DST: variants seen among roughly 807,000 people sequenced by gnomAD.
DST encodes the protein bullous pemphigoid antigen.
Under a neutral mutation model 875.2 loss-of-function variants are expected in DST, and 253 were observed. The ratio of observed to expected loss-of-function variants is 0.29; its 90% CI spans 0.26 to 0.32. DST has a LOEUF of 0.32. DST is among the 10% of genes least tolerant of loss of function. DST has a pLI of 1.00. For synonymous variants in DST, 3,124 were observed against 3,197.1 expected (o/e 0.98, Z 0.77); for missense variants, 8,287 against 9,111.6 (o/e 0.91, Z 3.68).
chr6:56,669,373 A>C (rs1308370709), intron 10 of DST, among the ~76,000 whole-genome samples: 1 of 151,384 alleles, frequency 6.6e-6, no homozygotes, highest in African/African-American at 2.4e-5. Flanking sequence ...AGGTGAGGGG[A>C]TCACCTGAGG....
rs1397311025 is a variant in DST, at chr6:56,813,838, G to C, written c.625+37559C>G. Among the ~76,000 whole-genome samples the C allele has an allele frequency of 1.3e-5, 2 of 152,096 alleles. 1 individual carries two copies. The highest frequency in any genetic ancestry group is 4.1e-4 in the South Asian group (2 of 4,820). On this transcript the variant is annotated intron_variant, in intron 4 of 103. Transcript: ENST00000680361. ...GAAATTTTTCTAATCCATTATACTA[G>C]AGTTTCATTATGATGCTGTTCTTTG...
chr6:56,619,612 T>C lies in DST; in HGVS notation c.4929+4918A>G, dbSNP rs772559320. On this transcript the variant is annotated intron_variant, in intron 36 of 103. Coordinates refer to ENST00000680361, the MANE Select transcript of DST (RefSeq NM_001374736.1). The stretch of plus-strand genomic sequence containing the variant: ...GTTTCCCTTTTTCATGATTAAGAGA[T>C]TCTAATTCTAACTGATAATTGCGCT... The C allele has an allele frequency of 1.2e-6, 2 of 1,613,958 alleles. No homozygotes were observed. Among genetic ancestry groups the C allele is most frequent in the South Asian group, 1.1e-5 (1 of 91,068 alleles).
At chr6:56,566,577 A>G (rs771873188) in intron 55 of DST, among the ~76,000 whole-genome samples, 1 of 152,172 alleles carries the variant, frequency 6.6e-6, no homozygotes, top group Non-Finnish European at 1.5e-5. Flanking sequence ...TCAGTTGGAA[A>G]TGCAGAAATC....
intron 9 of DST, among the ~76,000 whole-genome samples, chr6:56,680,553 T>A (rs1021047273): frequency 6.6e-6 from 1 of 152,178 alleles, no homozygotes; most frequent in African/African-American, 2.4e-5. Flanking sequence ...CTAATCCTGA[T>A]CTCACTGAGG....
rs902363541 is a variant in DST at position 56,568,340 on chromosome 6, G to A, written c.14005+129C>T. 5.4e-5 allele frequency: 53 copies of A among 990,202 alleles called. No individual in the cohort carries two copies. The African/African-American group carries it at 8.5e-4, about 16-fold the overall frequency. The allele number at this position is 990,202 out of a possible 1,614,324, so 61.3% of individuals were successfully genotyped here. ...AGCACAGTGTGCTTACAGATGCCAT[G>A]TTTCTTGTCACTTTCACTTTGTATT... On this transcript the variant is annotated intron_variant, in intron 55 of 103. Transcript: ENST00000680361.
intron 3 of DST, chr6:56,871,885 G>GA (rs888774610): frequency 2.3e-4 from 52 of 224,804 alleles, no homozygotes; most frequent in South Asian, 4.2e-4. Flanking sequence ...TATTCAACTG[G>GA]AAAAAAAAAT....
At chr6:56,504,477 T>C (rs1185381222) in intron 77 of DST, among the ~76,000 whole-genome samples, 3 of 152,146 alleles carry the variant, frequency 2.0e-5, no homozygotes, top group African/African-American at 7.2e-5. Flanking sequence ...TATTTGTTCA[T>C]TCAAATAAGC....
chr6:56,741,039 T>G (rs575840488), intron 4 of DST, among the ~76,000 whole-genome samples: 1 of 152,166 alleles, frequency 6.6e-6, no homozygotes, highest in Non-Finnish European at 1.5e-5. Flanking sequence ...ACAAAATAGA[T>G]TTCTTCTTTT....
In DST at chr6:56,597,890, G is replaced by T. The variant is rs369653418; in HGVS notation, c.12045C>A (p.Ile4015=). 1 of 1,613,484 alleles carries T rather than the reference G, an allele frequency of 6.2e-7. No individual in the cohort carries two copies. Among genetic ancestry groups the T allele is most frequent in the Non-Finnish European group, 8.5e-7 (1 of 1,179,736 alleles). The change falls in exon 47 of 104, where the codon ATC becomes ATA. Residue 4015 remains isoleucine (I), a synonymous_variant. Transcript: ENST00000680361. The part of the protein sequence containing the change: ...ERAGTKHKQV[I]EQNGTHFQEG... ...CTTGAAAATGGGTCCCGTTCTGTTC[G>T]ATTACCTGTTTGTGTTTTGTCCCTG...
intron 4 of DST, among the ~76,000 whole-genome samples, chr6:56,769,293 C>T (rs1347093828): frequency 6.6e-6 from 1 of 152,140 alleles, no homozygotes; most frequent in Non-Finnish European, 1.5e-5. Context: ...ATTACAACAC[C>T]AGACGCTGGC....
chr6:56,607,580 T>G lies in DST; in HGVS notation c.7048A>C (p.Thr2350Pro). The change falls in exon 40 of 104, where the codon ACT (threonine) becomes CCT (proline). Residue 2350 changes from threonine to proline, a missense_variant. This residue lies in a region of DST where 3,138 missense variants were observed against 3,116.6 expected (regional missense o/e 1.01). Transcript: ENST00000680361. ...AGCATGCTAATGTCTGCAAGTTCAG[T>G]CTGTGTTAAATATGATATGAGACTG... The part of the protein sequence containing the change: ...VPSLISYLTQ[T>P]ELADISMLRS... The G allele has an allele frequency of 6.2e-7, 1 of 1,612,688 alleles. No individual in the cohort carries two copies. The highest frequency in any genetic ancestry group is 8.5e-7 in the Non-Finnish European group (1 of 1,179,330).
chr6:56,529,897 T>G, intron 65 of DST, 77 bp downstream of exon 65: 1 of 1,550,616 alleles, frequency 6.4e-7, no homozygotes, highest in Non-Finnish European at 8.7e-7. Context: ...AACAAAACAA[T>G]AGTACATAAC....
chr6:56,947,399 C>T (rs529228408), intron 2 of DST, among the ~76,000 whole-genome samples: 16 of 152,008 alleles, frequency 1.1e-4, no homozygotes, highest in East Asian at 7.7e-4. Flanking sequence ...TACAGGCGTG[C>T]GCCACCACAC....
chr6:56,573,774 G>A lies in DST; in HGVS notation c.13141C>T (p.Leu4381=). The part of the protein sequence containing the change: ...LSVQDGLDEM[L]DWMGNVESSL... The stretch of plus-strand genomic sequence containing the variant: ...CTTTCCACATTTCCCATCCAGTCCA[G>A]CATTTCATCCAAGCCATCCTGCACA... The change falls in exon 51 of 104, where the codon CTG becomes TTG. Residue 4381 remains leucine (L), a synonymous_variant. Coordinates refer to ENST00000680361, the MANE Select transcript of DST (RefSeq NM_001374736.1). The A allele has an allele frequency of 6.2e-7, 1 of 1,613,568 alleles. No homozygotes were observed.
chr6:56,473,258 C>T lies in DST; in HGVS notation c.21994+615G>A, dbSNP rs370508602. 1.3e-4 allele frequency among the ~76,000 whole-genome samples: 20 copies of T among 152,220 alleles called. No homozygotes were observed. The East Asian group carries it at 1.5e-3, about 12-fold the overall frequency. On this transcript the variant is annotated intron_variant, in intron 93 of 103. Transcript: ENST00000680361. ...GTGTAGTAAGTAATTACAATAGCTC[C>T]GACATCATTTCTTTTTAATTAAAAA... is the stretch of plus-strand genomic sequence containing the variant.
chr6:56,904,378 A>G (rs147543241), intron 2 of DST, among the ~76,000 whole-genome samples: 1,844 of 152,290 alleles, frequency 0.012, 34 homozygotes, highest in East Asian at 0.039. Context: ...GTCTTGGCTA[A>G]ATTACTTCTC....
At chr6:56,832,780 C>A (rs1465259467) in intron 4 of DST, among the ~76,000 whole-genome samples, 1 of 152,126 alleles carries the variant, frequency 6.6e-6, no homozygotes, top group Admixed American at 6.5e-5. Context: ...GCTCTTATCG[C>A]CCAGGCTGGA....
chr6:56,515,824 T>C (rs1400248648), intron 71 of DST, among the ~76,000 whole-genome samples, 156 bp from the exon 72 acceptor site: 2 of 152,072 alleles, frequency 1.3e-5, no homozygotes, highest in African/African-American at 4.8e-5. Flanking sequence ...ATTTTAATGG[T>C]TTATACGTAC....
At chr6:56,784,785 G>A (rs2099701666) in intron 4 of DST, among the ~76,000 whole-genome samples, 1 of 152,222 alleles carries the variant, frequency 6.6e-6, no homozygotes, top group South Asian at 2.1e-4. Context: ...CGTTCCTTTG[G>A]AGGAGGAGAG....
Sources: allele counts gnomAD v4.1 joint callset (sites outside exome capture counted in the v4.1 genomes callset), GRCh38; gene constraint gnomAD v4.1.1; regional missense constraint gnomAD v4.1.1; transcripts MANE v1.5; gene names NCBI Gene and HGNC (gene_info 2026-07-23, HGNC 2026-07-21).